The following TRPM3 variants were observed in gnomAD, a reference collection of about 807,000 sequenced individuals.
The protein encoded by TRPM3 is transient receptor potential cation channel subfamily M member 3.
Under a neutral mutation model 181.2 loss-of-function variants are expected in TRPM3, and 77 were observed. The observed-to-expected ratio is 0.42, with a 90% CI of 0.35 to 0.51. The LOEUF (loss-of-function observed/expected upper bound fraction) is 0.51. Among genes scored for constraint, TRPM3 ranks in the 20% least tolerant of loss-of-function variants. The probability of loss-of-function intolerance (pLI) is 0.01; values close to 1 mark genes in which losing one functional copy is unlikely to be tolerated. For missense variants in TRPM3, 1,759 were observed against 2,196.7 expected (o/e 0.80, Z 3.98); for synonymous variants, 745 against 796.4 (o/e 0.94, Z 1.09).
chr9:71,331,637 A>C (rs1565469766), intron 1 of TRPM3, among the ~76,000 whole-genome samples: 1 of 149,024 alleles, frequency 6.7e-6, no homozygotes, highest in Non-Finnish European at 1.5e-5. Flanking sequence ...GGAGAAGAAA[A>C]AGGAGGAGGA....
chr9:70,939,495 C>A (rs1323752938), intron 1 of TRPM3, among the ~76,000 whole-genome samples: 1 of 152,146 alleles, frequency 6.6e-6, no homozygotes, highest in Non-Finnish European at 1.5e-5. Flanking sequence ...ATAGCAACAG[C>A]AAGATTTACC....
chr9:70,863,216 C>T (rs1709549119), intron 2 of TRPM3, 104 bp from the exon 3 acceptor site: 3 of 916,024 alleles, frequency 3.3e-6, no homozygotes, highest in Non-Finnish European at 4.9e-6. Context: ...CAACACCTGT[C>T]AGTCAATTCT....
At chr9:71,166,986 CTTGT>C (rs1444223025) in intron 1 of TRPM3, among the ~76,000 whole-genome samples, 1 of 152,078 alleles carries the variant, frequency 6.6e-6, no homozygotes, top group Non-Finnish European at 1.5e-5. Flanking sequence ...TTCTTACTAT[CTTGT>C]TTGAGAAAAA....
intron 22 of TRPM3, among the ~76,000 whole-genome samples, chr9:70,563,676 T>C (rs1564342215): frequency 6.6e-6 from 1 of 152,068 alleles, no homozygotes; most frequent in Non-Finnish European, 1.5e-5. Context: ...CACTGGGTCA[T>C]GTAAAGCAAG....
chr9:70,842,355 G>T (rs937399120), intron 5 of TRPM3, among the ~76,000 whole-genome samples: 2 of 152,036 alleles, frequency 1.3e-5, no homozygotes, highest in South Asian at 4.1e-4. Context: ...GCCCTATGAT[G>T]ACATTTATTT....
chr9:70,595,421 T>C (rs2058836327), intron 21 of TRPM3, among the ~76,000 whole-genome samples: 1 of 152,216 alleles, frequency 6.6e-6, no homozygotes, highest in South Asian at 2.1e-4. Flanking sequence ...CGTGTGTGTG[T>C]GCACGTGTGC....
chr9:70,535,584 G>T lies in TRPM3; in HGVS notation c.*369C>A. 2 of 1,509,566 alleles carry T rather than the reference G, an allele frequency of 1.3e-6. No individual in the cohort carries two copies. Among genetic ancestry groups the T allele is most frequent in the Non-Finnish European group, 1.8e-6 (2 of 1,132,768 alleles). 93.5% of individuals were successfully genotyped at this position (1,509,566 alleles called of 1,614,324 possible). A position where few individuals can be genotyped will look rare whatever the true frequency, so the allele number is the denominator to read the frequency against. On this transcript the variant is annotated 3_prime_UTR_variant, in exon 26 of 26. Coordinates refer to ENST00000677713, the MANE Select transcript of TRPM3 (RefSeq NM_001366145.2). ...CTGCATCCTACAACTCTTGATAATGGTCAGAAATCAACAGATGCCTCCTGG... is the reference window on the plus strand; with the variant it reads ...CTGCATCCTACAACTCTTGATAATGTTCAGAAATCAACAGATGCCTCCTGG...
chr9:70,989,926 A>T (rs1590346061), intron 1 of TRPM3, among the ~76,000 whole-genome samples: 1 of 152,144 alleles, frequency 6.6e-6, no homozygotes, highest in Non-Finnish European at 1.5e-5. Flanking sequence ...ACATTTATTA[A>T]ACACTTCCTT....
intron 1 of TRPM3, among the ~76,000 whole-genome samples, chr9:71,038,380 AT>A (rs2058449622): frequency 6.6e-6 from 1 of 152,176 alleles, no homozygotes; most frequent in African/African-American, 2.4e-5. Context: ...GGCTAAAATC[AT>A]TTTTACTGGC....
intron 8 of TRPM3, among the ~76,000 whole-genome samples, chr9:70,760,535 T>C (rs992322629): frequency 3.3e-5 from 5 of 151,428 alleles, no homozygotes; most frequent in Admixed American, 2.0e-4. Flanking sequence ...AGCCAGACTG[T>C]GTACCTAGGT....
In TRPM3 at chr9:70,893,553, A is replaced by C. The variant is rs144995743; in HGVS notation, c.178-29042T>G. 6.6e-5 allele frequency among the ~76,000 whole-genome samples: 10 copies of C among 152,290 alleles called. No homozygotes were observed. The East Asian group carries it at 1.9e-3, about 29-fold the overall frequency. ...GACTACGAATGGTTTATGGAATACT[A>C]CATATATTTCTAGTAGTAATTTTGA... is the stretch of plus-strand genomic sequence containing the variant. On this transcript the variant is annotated intron_variant, in intron 1 of 25. Coordinates refer to ENST00000677713, the MANE Select transcript of TRPM3 (RefSeq NM_001366145.2).
rs144083316 is a variant in TRPM3 at position 70,574,420 on chromosome 9, C to T, written c.3223+16611G>A. Reference sequence around the variant, plus strand: ...TGGGCTCTTTTCCTACTCTTTCCCTCGCAAATTCCTCCTTATTCTGCATAG... The same window carrying T: ...TGGGCTCTTTTCCTACTCTTTCCCTTGCAAATTCCTCCTTATTCTGCATAG... On this transcript the variant is annotated intron_variant, in intron 22 of 25. Transcript: ENST00000677713. Among the ~76,000 whole-genome samples, 36 of 152,280 alleles carry T rather than the reference C, an allele frequency of 2.4e-4. No individual in the cohort carries two copies. The East Asian group carries it at 2.9e-3, about 12-fold the overall frequency.
intron 6 of TRPM3, among the ~76,000 whole-genome samples, chr9:70,800,121 G>T (rs2088496612): frequency 6.6e-6 from 1 of 151,906 alleles, no homozygotes; most frequent in Admixed American, 6.6e-5. Flanking sequence ...GACTTTCTCT[G>T]AAAGACAATT....
intron 1 of TRPM3, among the ~76,000 whole-genome samples, chr9:71,202,068 G>A (rs1272787554): frequency 6.6e-6 from 1 of 152,164 alleles, no homozygotes; most frequent in Non-Finnish European, 1.5e-5. Context: ...TCAGCTGCAG[G>A]TCTGTTGGAG....
intron 6 of TRPM3, among the ~76,000 whole-genome samples, chr9:70,801,298 A>G (rs17462924): frequency 0.027 from 4,064 of 152,296 alleles, 79 homozygotes; most frequent in Middle Eastern, 0.058. Context: ...TTCTGGCTTA[A>G]AAGGGCCAAG....
chr9:70,700,833 C>T (rs1462785981), intron 8 of TRPM3, among the ~76,000 whole-genome samples: 1 of 152,214 alleles, frequency 6.6e-6, no homozygotes, highest in African/African-American at 2.4e-5. Context: ...TTTTGTGAAT[C>T]ACATGACTGG....
intron 1 of TRPM3, among the ~76,000 whole-genome samples, chr9:70,891,966 T>A (rs2096211039): frequency 6.6e-6 from 1 of 152,060 alleles, no homozygotes; most frequent in South Asian, 2.1e-4. Context: ...TATAAGAAAG[T>A]TTACTTCAAA....
chr9:70,982,502 A>G (rs2097373218), intron 1 of TRPM3, among the ~76,000 whole-genome samples: 1 of 152,142 alleles, frequency 6.6e-6, no homozygotes, highest in African/African-American at 2.4e-5. Context: ...TCTCCTCAAG[A>G]ACCTGAGGTA....
At chr9:70,668,000 T>C (rs2062084560) in intron 9 of TRPM3, among the ~76,000 whole-genome samples, 1 of 152,188 alleles carries the variant, frequency 6.6e-6, no homozygotes, top group Non-Finnish European at 1.5e-5. Context: ...GTCATGCTTG[T>C]TTGGAGGGGT....
Sources: allele counts gnomAD v4.1 joint callset (sites outside exome capture counted in the v4.1 genomes callset), GRCh38; gene constraint gnomAD v4.1.1; transcripts MANE v1.5; gene names NCBI Gene and HGNC (gene_info 2026-07-23, HGNC 2026-07-21).